The following ZNHIT6 variants were observed in gnomAD, a reference collection of about 807,000 sequenced individuals.
ZNHIT6 encodes box C/D snoRNA protein 1.
In ZNHIT6, 45 loss-of-function variants were observed where a neutral mutation model predicts 57.2. The observed-to-expected ratio is 0.79, with a 90% CI of 0.62 to 1.01. ZNHIT6 has a LOEUF of 1.01. Among genes scored for constraint, ZNHIT6 ranks in the 50% least tolerant of loss-of-function variants. The pLI, the probability that ZNHIT6 is intolerant of heterozygous loss-of-function variation, is 0.00. For missense variants in ZNHIT6, 528 were observed against 567.3 expected (o/e 0.93, Z 0.70); for synonymous variants, 188 against 190.0 (o/e 0.99, Z 0.09).
rs769380439 is a variant in ZNHIT6 at position 85,657,938 on chromosome 1, T to C, written c.1281A>G (p.Leu427=). The C allele has an allele frequency of 4.1e-5, 64 of 1,574,194 alleles. No homozygotes were observed. The highest frequency in any genetic ancestry group is 5.4e-5 in the Non-Finnish European group (62 of 1,149,420). The change falls in exon 9 of 10, where the codon CTA becomes CTG. Residue 427 remains leucine (L), a synonymous_variant. Transcript: ENST00000370574. Reference sequence around the variant, plus strand: ...TGATCACTTTGTTCCTCAAATTGTCTAGGAGACTTTTATAAGGATCTAGTT... The same window carrying C: ...TGATCACTTTGTTCCTCAAATTGTCCAGGAGACTTTTATAAGGATCTAGTT... The part of the protein sequence containing the change: ...YYELDPYKSL[L]DNLRNKVIIE...
At chr1:85,694,291 C>A (rs138597842) in intron 5 of ZNHIT6, among the ~76,000 whole-genome samples, 4 of 152,138 alleles carry the variant, frequency 2.6e-5, no homozygotes, top group African/African-American at 9.6e-5. Flanking sequence ...GTATTCAGGG[C>A]CCAGTAGAGG....
At chr1:85,679,721 A>G (rs1390560921) in intron 6 of ZNHIT6, among the ~76,000 whole-genome samples, 1 of 151,912 alleles carries the variant, frequency 6.6e-6, no homozygotes, top group African/African-American at 2.4e-5. Context: ...AGTAGCTGTG[A>G]TTACAGGGGT....
chr1:85,703,098 G>C (rs1662582147), intron 4 of ZNHIT6, among the ~76,000 whole-genome samples: 1 of 152,068 alleles, frequency 6.6e-6, no homozygotes, highest in African/African-American at 2.4e-5. Context: ...ATAATTTAGA[G>C]GACTTTAGTT....
At chr1:85,679,538 T>A (rs1273963016) in intron 6 of ZNHIT6, among the ~76,000 whole-genome samples, 5 of 150,972 alleles carry the variant, frequency 3.3e-5, no homozygotes, top group African/African-American at 1.2e-4. Context: ...AATCAAGGAA[T>A]GAAATAGTTC....
intron 5 of ZNHIT6, among the ~76,000 whole-genome samples, chr1:85,685,634 G>A (rs1339792658): frequency 1.3e-5 from 2 of 152,056 alleles, no homozygotes; most frequent in Non-Finnish European, 2.9e-5. Context: ...CTGGAGTGCA[G>A]TGGCCAAAAA....
chr1:85,671,453 T>C (rs575892769), intron 8 of ZNHIT6, among the ~76,000 whole-genome samples: 1 of 151,462 alleles, frequency 6.6e-6, no homozygotes, highest in East Asian at 1.9e-4. Context: ...AGACCCTGTC[T>C]CTTAAAAAAA....
intron 8 of ZNHIT6, among the ~76,000 whole-genome samples, chr1:85,665,873 T>C (rs1339846370): frequency 6.6e-6 from 1 of 152,214 alleles, no homozygotes; most frequent in Non-Finnish European, 1.5e-5. Flanking sequence ...TGGTATTATT[T>C]TAGAGTTGGC....
Position 85,702,054 on chromosome 1 carries a change from A to G in ZNHIT6, c.1019+103T>C, listed in dbSNP as rs140153155. The G allele has an allele frequency of 4.7e-5, 33 of 698,920 alleles. No individual in the cohort carries two copies. The African/African-American group carries it at 5.2e-4, about 11-fold the overall frequency. The allele number at this position is 698,920 out of a possible 1,614,324, so 43.3% of individuals were successfully genotyped here. On this transcript the variant is annotated intron_variant, in intron 5 of 9. Transcript: ENST00000370574. ...GTCATGGACCAATAACAAACAGTTT[A>G]CAGAACCACACTTGGGGTAGCAATG...
chr1:85,697,225 T>C (rs114882794), intron 5 of ZNHIT6, among the ~76,000 whole-genome samples: 5,384 of 152,254 alleles, frequency 0.035, 109 homozygotes, highest in Middle Eastern at 0.082. Flanking sequence ...TCTTTTTTTC[T>C]TAATAATGCA....
chr1:85,669,638 G>T (rs1217674945), intron 8 of ZNHIT6, among the ~76,000 whole-genome samples: 1 of 152,128 alleles, frequency 6.6e-6, no homozygotes, highest in Non-Finnish European at 1.5e-5. Flanking sequence ...TTTAACCTGG[G>T]CTTGGGTTTA....
intron 8 of ZNHIT6, among the ~76,000 whole-genome samples, chr1:85,662,028 T>C (rs1661237739): frequency 6.6e-6 from 1 of 152,030 alleles, no homozygotes; most frequent in Admixed American, 6.6e-5. Context: ...CAGTGACATA[T>C]ATAAATAAAA....
intron 4 of ZNHIT6, among the ~76,000 whole-genome samples, chr1:85,704,267 C>T (rs1348785360): frequency 6.6e-6 from 1 of 152,090 alleles, no homozygotes; most frequent in South Asian, 2.1e-4. Context: ...ATTCTATTCC[C>T]AGGTATAAAC....
intron 9 of ZNHIT6, 65 bp downstream of exon 9, chr1:85,657,781 TG>T: frequency 6.9e-7 from 1 of 1,449,050 alleles, no homozygotes; most frequent in Non-Finnish European, 9.5e-7. Flanking sequence ...GAAATAAGGG[TG>T]GACATATTTT....
chr1:85,699,864 G>A (rs540125058), intron 5 of ZNHIT6, among the ~76,000 whole-genome samples: 1 of 152,184 alleles, frequency 6.6e-6, no homozygotes, highest in Non-Finnish European at 1.5e-5. Flanking sequence ...ATAGTCAAAG[G>A]TGGAATACCC....
In ZNHIT6 at chr1:85,680,816, T is replaced by C. The variant is rs759770551; in HGVS notation, c.1088+20A>G. 1.3e-5 allele frequency: 20 copies of C among 1,589,750 alleles called. No homozygotes were observed. Among genetic ancestry groups the C allele is most frequent in the South Asian group, 2.3e-5 (2 of 87,898 alleles). ...CCTTCAAATTAAAACAAATCAGTGA[T>C]TGAAAGATAGCAGTGATACCTTTTT... On this transcript the variant is annotated intron_variant, in intron 6 of 9. Coordinates refer to ENST00000370574, the MANE Select transcript of ZNHIT6 (RefSeq NM_017953.4).
intron 9 of ZNHIT6, 51 bp downstream of exon 9, chr1:85,657,796 T>C: frequency 6.4e-7 from 1 of 1,569,232 alleles, no homozygotes; most frequent in African/African-American, 1.4e-5. Flanking sequence ...ATATTTTGCT[T>C]TGGTTTCTCT....
intron 9 of ZNHIT6, among the ~76,000 whole-genome samples, chr1:85,654,873 C>A (rs1325400583): frequency 6.6e-6 from 1 of 152,138 alleles, no homozygotes; most frequent in African/African-American, 2.4e-5. Flanking sequence ...TAGCTGTTAT[C>A]TCCACTGAGT....
chr1:85,702,314 A>T, intron 4 of ZNHIT6, 54 bp from the exon 5 acceptor site: 1 of 1,085,674 alleles, frequency 9.2e-7, no homozygotes, highest in Non-Finnish European at 1.4e-6. Flanking sequence ...TAAATTTAAA[A>T]AGTGAGTAAA....
At chr1:85,665,467 T>C (rs947245194) in intron 8 of ZNHIT6, among the ~76,000 whole-genome samples, 1 of 152,180 alleles carries the variant, frequency 6.6e-6, no homozygotes, top group Middle Eastern at 3.4e-3. Context: ...TGTGAAATAA[T>C]ATCATAATCA....
Sources: allele counts gnomAD v4.1 joint callset (sites outside exome capture counted in the v4.1 genomes callset), GRCh38; gene constraint gnomAD v4.1.1; transcripts MANE v1.5; gene names NCBI Gene and HGNC (gene_info 2026-07-23, HGNC 2026-07-21).